Variants in PCDH15 observed in about 807,000 individuals in gnomAD.
PCDH15 encodes the protein protocadherin related 15.
PCDH15 carries 129 observed loss-of-function variants against 178.5 expected under a neutral mutation model. That is an observed-to-expected ratio of 0.72 (90% confidence interval 0.63 to 0.84). The LOEUF (loss-of-function observed/expected upper bound fraction) is 0.84. Ranked by LOEUF, PCDH15 falls within the 40% of genes least tolerant of loss-of-function variation. The probability of loss-of-function intolerance (pLI) is 0.00; values close to 1 mark genes in which losing one functional copy is unlikely to be tolerated. For synonymous variants in PCDH15, 800 were observed against 732.0 expected (o/e 1.09, Z -1.50); for missense variants, 2,230 against 2,099.9 (o/e 1.06, Z -1.21).
At chr10:55,624,214 G>T (rs992653058) in intron 2 of PCDH15, among the ~76,000 whole-genome samples, 1 of 151,824 alleles carries the variant, frequency 6.6e-6, no homozygotes, top group Non-Finnish European at 1.5e-5. Context: ...TTTATTTTCC[G>T]AGAATTAAAC....
At chr10:55,073,675 A>G (rs941500077) in intron 2 of PCDH15, among the ~76,000 whole-genome samples, 18 of 152,026 alleles carry the variant, frequency 1.2e-4, no homozygotes, top group African/African-American at 4.1e-4. Context: ...TGAGTTAGAG[A>G]GAGTTCCCCC....
intron 13 of PCDH15, among the ~76,000 whole-genome samples, chr10:54,176,733 G>C (rs954844107): frequency 6.6e-6 from 1 of 152,114 alleles, no homozygotes; most frequent in Admixed American, 6.6e-5. Flanking sequence ...GAAATCCATT[G>C]AAATAGCCAG....
intron 20 of PCDH15, among the ~76,000 whole-genome samples, chr10:54,016,868 C>T (rs1428787414): frequency 6.6e-6 from 1 of 152,136 alleles, no homozygotes; most frequent in Non-Finnish European, 1.5e-5. Context: ...ACACATGTAT[C>T]TATGAACCTA....
intron 2 of PCDH15, among the ~76,000 whole-genome samples, chr10:55,411,905 C>T (rs1026976616): frequency 6.6e-6 from 1 of 151,824 alleles, no homozygotes; most frequent in Admixed American, 6.6e-5. Context: ...TTAAGATAGA[C>T]ATATAAATGA....
At chr10:54,436,030 AGG>A (rs2075373708) in intron 3 of PCDH15, among the ~76,000 whole-genome samples, 1 of 17,564 alleles carries the variant, frequency 5.7e-5, no homozygotes, top group Non-Finnish European at 1.6e-4. Context: ...AGGAGAGGAG[AGG>A]AGAGAGAGAG....
chr10:55,391,500 GT>G (rs1837791494), intron 2 of PCDH15, among the ~76,000 whole-genome samples: 1 of 151,562 alleles, frequency 6.6e-6, no homozygotes, highest in Admixed American at 6.6e-5. Flanking sequence ...TTTTTGGGGG[GT>G]GGGGGGATGG....
intron 18 of PCDH15, among the ~76,000 whole-genome samples, chr10:54,031,805 TGTTCAC>T (rs890769649): frequency 4.6e-5 from 7 of 152,094 alleles, no homozygotes; most frequent in Non-Finnish European, 7.4e-5. Context: ...GTTGTTGTCA[TGTTCAC>T]GCTCATACAG....
intron 2 of PCDH15, among the ~76,000 whole-genome samples, chr10:54,957,067 G>A (rs2131880203): frequency 1.3e-5 from 2 of 151,716 alleles, no homozygotes; most frequent in Middle Eastern, 3.4e-3. Context: ...TTACAGTTCT[G>A]CTCCTGGCCC....
chr10:55,525,187 TA>T (rs573987967), intron 2 of PCDH15, among the ~76,000 whole-genome samples: 2 of 151,934 alleles, frequency 1.3e-5, no homozygotes, highest in South Asian at 4.1e-4. Flanking sequence ...TAGGCAAGAG[TA>T]ACAGATTTGG....
chr10:54,259,468 T>C (rs928943466), intron 8 of PCDH15, among the ~76,000 whole-genome samples: 5 of 151,920 alleles, frequency 3.3e-5, no homozygotes, highest in African/African-American at 1.2e-4. Flanking sequence ...GGATCACCAA[T>C]CCCAAATATG....
intron 2 of PCDH15, among the ~76,000 whole-genome samples, chr10:55,008,995 C>T (rs558488676): frequency 1.1e-3 from 167 of 152,126 alleles, no homozygotes; most frequent in African/African-American, 3.6e-3. Flanking sequence ...CGTCTCACTC[C>T]GGAAGAAAAC....
At chr10:54,710,168 T>TA (rs2095414004) in intron 1 of PCDH15, among the ~76,000 whole-genome samples, 1 of 152,008 alleles carries the variant, frequency 6.6e-6, no homozygotes, top group Non-Finnish European at 1.5e-5. Context: ...CTTCTTCCTC[T>TA]AATTGTATTC....
chr10:54,559,867 A>G (rs796208054), intron 2 of PCDH15, among the ~76,000 whole-genome samples: 27 of 56,922 alleles, frequency 4.7e-4, no homozygotes, highest in African/African-American at 1.0e-3. Context: ...AAAAAAAAAA[A>G]AAAAAAAGAA....
rs1841025819 is a variant in PCDH15 at position 53,804,197 on chromosome 10, T to G, written c.*2382A>C. 6.6e-6 allele frequency: 1 copy of G among 151,996 alleles called. No homozygotes were observed. The highest frequency in any genetic ancestry group is 2.4e-5 in the African/African-American group (1 of 41,434). The allele number at this position is 151,996 out of a possible 1,614,324, so 9.4% of individuals were successfully genotyped here. On this transcript the variant is annotated 3_prime_UTR_variant, in exon 38 of 38. Transcript: ENST00000644397. ...TATACTATCTCCATTAAGTAACAGA[T>G]GATTGACCTCATGATTGTTTTTACT... is the stretch of plus-strand genomic sequence containing the variant.
At chr10:54,198,332 T>C (rs1278193336) in intron 10 of PCDH15, among the ~76,000 whole-genome samples, 6 of 152,004 alleles carry the variant, frequency 3.9e-5, no homozygotes, top group Non-Finnish European at 5.9e-5. Flanking sequence ...TAAAACTAAT[T>C]GGTCCATATG....
At chr10:54,050,910 T>G (rs550190673) in intron 18 of PCDH15, among the ~76,000 whole-genome samples, 1 of 152,270 alleles carries the variant, frequency 6.6e-6, no homozygotes, top group African/African-American at 2.4e-5. Context: ...CAGTTACTTC[T>G]ATACTGTTCT....
chr10:53,879,597 G>C (rs558509670), intron 26 of PCDH15, among the ~76,000 whole-genome samples: 1 of 152,188 alleles, frequency 6.6e-6, no homozygotes, highest in Non-Finnish European at 1.5e-5. Context: ...TTAAGTATAG[G>C]CATTTTTGGT....
chr10:54,725,305 A>G (rs1449624798), intron 1 of PCDH15, among the ~76,000 whole-genome samples: 2 of 150,676 alleles, frequency 1.3e-5, no homozygotes, highest in Non-Finnish European at 3.0e-5. Context: ...CCATTTTCTT[A>G]GTAAATGAAT....
chr10:54,323,170 C>A (rs913724685), intron 7 of PCDH15, among the ~76,000 whole-genome samples: 6 of 152,084 alleles, frequency 3.9e-5, no homozygotes, highest in Admixed American at 3.3e-4. Context: ...GAGATATCAT[C>A]TCATACCAGT....
Sources: allele counts gnomAD v4.1 joint callset (sites outside exome capture counted in the v4.1 genomes callset), GRCh38; gene constraint gnomAD v4.1.1; transcripts MANE v1.5; gene names NCBI Gene and HGNC (gene_info 2026-07-23, HGNC 2026-07-21).